SDK1: variants seen among roughly 807,000 people sequenced by gnomAD.
SDK1 encodes the protein protein sidekick-1.
SDK1 carries 157 observed loss-of-function variants against 245.5 expected under a neutral mutation model. That is an observed-to-expected ratio of 0.64 (90% CI 0.56 to 0.73). The LOEUF is 0.73. Among genes scored for constraint, SDK1 ranks in the 30% least tolerant of loss-of-function variants. SDK1 has a pLI of 0.00. For missense variants in SDK1, 3,583 were observed against 3,002.3 expected, an observed-to-expected ratio of 1.19 and a Z score of -4.52; for synonymous variants, 1,647 against 1,278.5, an observed-to-expected ratio of 1.29 and a Z score of -6.15.
At chr7:3,317,270 G>T (rs1401542440) in intron 1 of SDK1, among the ~76,000 whole-genome samples, 1 of 144,990 alleles carries the variant, frequency 6.9e-6, no homozygotes, top group East Asian at 2.0e-4. Flanking sequence ...TTACATAAAA[G>T]ATTATAGTAA....
At chr7:4,049,989 T>C (rs1789321561) in intron 18 of SDK1, among the ~76,000 whole-genome samples, 1 of 152,208 alleles carries the variant, frequency 6.6e-6, no homozygotes, top group Non-Finnish European at 1.5e-5. Context: ...TTCTTGTGTC[T>C]TTAGCTACCA....
chr7:4,079,046 G>T, intron 21 of SDK1, among the ~76,000 whole-genome samples: 1 of 152,170 alleles, frequency 6.6e-6, no homozygotes, highest in East Asian at 1.9e-4. Flanking sequence ...CCATCCCTCC[G>T]AGGCCGCGGT....
chr7:3,361,428 A>G (rs1780949141), intron 1 of SDK1, among the ~76,000 whole-genome samples: 1 of 151,912 alleles, frequency 6.6e-6, no homozygotes, highest in Admixed American at 6.6e-5. Context: ...TTTCTGTTTC[A>G]AGTTCTTGCC....
intron 13 of SDK1, among the ~76,000 whole-genome samples, chr7:3,983,874 G>C (rs1783609169): frequency 6.6e-6 from 1 of 152,316 alleles, no homozygotes; most frequent in East Asian, 1.9e-4. Context: ...CCAATGGAGT[G>C]ACTTCGGGGG....
intron 4 of SDK1, among the ~76,000 whole-genome samples, chr7:3,710,107 T>A (rs7803963): frequency 6.6e-6 from 1 of 152,236 alleles, no homozygotes. Flanking sequence ...CACAAACCTT[T>A]TATGTTTTAA....
intron 1 of SDK1, among the ~76,000 whole-genome samples, chr7:3,428,115 C>G (rs1201100080): frequency 6.6e-6 from 1 of 152,194 alleles, no homozygotes; most frequent in Non-Finnish European, 1.5e-5. Context: ...ATATGCTTTT[C>G]TGTCTGTGTA....
chr7:3,678,946 CA>C (rs1232212681), intron 4 of SDK1, among the ~76,000 whole-genome samples: 2 of 151,972 alleles, frequency 1.3e-5, no homozygotes, highest in Non-Finnish European at 2.9e-5. Context: ...ACAACAACAA[CA>C]AAATGACAAA....
chr7:3,605,705 G>C (rs992015196), intron 1 of SDK1, among the ~76,000 whole-genome samples: 1 of 152,084 alleles, frequency 6.6e-6, no homozygotes, highest in Non-Finnish European at 1.5e-5. Context: ...TACTTGGTAA[G>C]AAAATGAGAA....
chr7:3,559,456 G>A (rs1779682619), intron 1 of SDK1, among the ~76,000 whole-genome samples: 1 of 152,106 alleles, frequency 6.6e-6, no homozygotes, highest in Non-Finnish European at 1.5e-5. Flanking sequence ...CCAGAAAATG[G>A]AGAAAGATGA....
At chr7:4,077,670 G>T (rs1031996129) in intron 21 of SDK1, among the ~76,000 whole-genome samples, 2 of 152,158 alleles carry the variant, frequency 1.3e-5, no homozygotes, top group African/African-American at 4.8e-5. Flanking sequence ...GTATTACATG[G>T]ATGGCAGCAG....
chr7:3,785,448 C>T (rs903687336), intron 4 of SDK1, among the ~76,000 whole-genome samples: 5 of 151,996 alleles, frequency 3.3e-5, no homozygotes, highest in African/African-American at 1.2e-4. Flanking sequence ...TTACTTTGTA[C>T]CCCATACATT....
chr7:3,338,814 G>A (rs886261474), intron 1 of SDK1, among the ~76,000 whole-genome samples: 2 of 152,092 alleles, frequency 1.3e-5, no homozygotes, highest in African/African-American at 4.8e-5. Context: ...AGTCCTTAGA[G>A]CAGCCATTAT....
chr7:4,127,903 A>G (rs1359944226), intron 26 of SDK1, among the ~76,000 whole-genome samples: 3 of 152,154 alleles, frequency 2.0e-5, no homozygotes, highest in African/African-American at 7.2e-5. Flanking sequence ...GGTCTTTTAC[A>G]CAGCACGCCT....
intron 4 of SDK1, among the ~76,000 whole-genome samples, chr7:3,685,909 A>T (rs1003902586): frequency 1.3e-5 from 2 of 152,260 alleles, no homozygotes; most frequent in East Asian, 3.9e-4. Flanking sequence ...ATCAATAATT[A>T]TGTTAAATGT....
intron 1 of SDK1, among the ~76,000 whole-genome samples, chr7:3,563,948 A>G (rs1203755865): frequency 6.6e-6 from 1 of 152,106 alleles, no homozygotes; most frequent in African/African-American, 2.4e-5. Flanking sequence ...ACATATTTCT[A>G]AATAGCTATT....
chr7:3,653,009 C>A (rs550987985), intron 4 of SDK1, among the ~76,000 whole-genome samples: 3 of 152,336 alleles, frequency 2.0e-5, no homozygotes, highest in African/African-American at 7.2e-5. Flanking sequence ...GTCCTCTCTT[C>A]CTCACTTTGG....
rs556071114 is a variant in SDK1, at chr7:4,138,064, A to G, written c.4228+5641A>G. 3.3e-5 allele frequency among the ~76,000 whole-genome samples: 5 copies of G among 152,324 alleles called. No homozygotes were observed. The South Asian group carries it at 1.0e-3, about 32-fold the overall frequency. The stretch of plus-strand genomic sequence containing the variant: ...CTGATATTATCTTTATTTTAGGGCA[A>G]ATAATAGGAAGGTACAAATAGAACA... On this transcript the variant is annotated intron_variant, in intron 28 of 44. Transcript: ENST00000404826.
intron 4 of SDK1, among the ~76,000 whole-genome samples, chr7:3,672,894 T>C (rs1783763505): frequency 1.4e-5 from 2 of 148,086 alleles, no homozygotes; most frequent in Non-Finnish European, 3.0e-5. Flanking sequence ...TTTGGAGTGA[T>C]CTTTGGGTAA....
At chr7:4,250,565 G>C (rs577975003) in intron 44 of SDK1, among the ~76,000 whole-genome samples, 2 of 151,992 alleles carry the variant, frequency 1.3e-5, no homozygotes, top group East Asian at 1.9e-4. Context: ...GGCTGGTCTC[G>C]AACTCCTGAC....
Sources: allele counts gnomAD v4.1 joint callset (sites outside exome capture counted in the v4.1 genomes callset), GRCh38; gene constraint gnomAD v4.1.1; transcripts MANE v1.5; gene names NCBI Gene and HGNC (gene_info 2026-07-23, HGNC 2026-07-21).